The following RBMS3 variants were observed in gnomAD, a reference collection of about 807,000 sequenced individuals.
The protein encoded by RBMS3 is RNA binding motif single stranded interacting protein 3.
In RBMS3, 27 loss-of-function variants were observed where a neutral mutation model predicts 66.8. That is an observed-to-expected ratio of 0.40 (90% confidence interval 0.30 to 0.56). The LOEUF (loss-of-function observed/expected upper bound fraction) is 0.56, where lower values mean the gene tolerates loss of function less well. RBMS3 is among the 20% of genes least tolerant of loss of function. RBMS3 has a pLI of 0.40. For synonymous variants in RBMS3, 188 were observed against 183.0 expected (o/e 1.03, Z -0.22); for missense variants, 513 against 549.5 (o/e 0.93, Z 0.66).
At position 29,928,180 on chromosome 3, in the gene RBMS3, T is replaced by TTATGTATA. The variant is rs59335121; in HGVS notation, c.940-7903_940-7902insGTATATAT. Among the ~76,000 whole-genome samples the TTATGTATA allele has an allele frequency of 2.3e-3, 235 of 102,520 alleles. 4 individuals are homozygous for TTATGTATA. In the East Asian group the frequency reaches 0.028, roughly 12 times the overall value. 67.3% of individuals were successfully genotyped at this position (102,520 alleles called of 152,430 possible). A position where few individuals can be genotyped will look rare whatever the true frequency, so the allele number is the denominator to read the frequency against. ...AAACTGGTCTGCTCCTCTTCAAATT[T>TTATGTATA]TATATATATATATATATATATATAT... On this transcript the variant is annotated intron_variant, in intron 10 of 14. Coordinates refer to ENST00000383767, the MANE Select transcript of RBMS3 (RefSeq NM_001003793.3).
intron 1 of RBMS3, among the ~76,000 whole-genome samples, chr3:29,414,158 T>C (rs1396452993): frequency 6.6e-6 from 1 of 152,242 alleles, no homozygotes; most frequent in Non-Finnish European, 1.5e-5. Context: ...TTTCTGTGTT[T>C]ATTCTTATGC....
At chr3:29,417,808 G>T (rs912062297) in intron 1 of RBMS3, among the ~76,000 whole-genome samples, 2 of 152,028 alleles carry the variant, frequency 1.3e-5, no homozygotes, top group African/African-American at 2.4e-5. Flanking sequence ...ACACAATCCG[G>T]TGAAATAAAG....
rs116022295 is a variant in RBMS3, at chr3:29,524,982, A to G, written c.307+36483A>G. On this transcript the variant is annotated intron_variant, in intron 3 of 14. Transcript: ENST00000383767. ...TAAGGCAGGATTGCTTGAGCCCAGG[A>G]GTTCTAGGGTGCGGTGAGCTATGAT... Among the ~76,000 whole-genome samples, 883 of 152,152 alleles carry G rather than the reference A, an allele frequency of 5.8e-3. 10 individuals carry two copies. Among genetic ancestry groups the G allele is most frequent in the African/African-American group, 0.02 (847 of 41,520 alleles).
intron 2 of RBMS3, among the ~76,000 whole-genome samples, chr3:29,438,026 G>GTT (rs34468806): frequency 0.28 from 31,068 of 112,452 alleles, 3,766 homozygotes; most frequent in South Asian, 0.43. Context: ...AACCTTGCTT[G>GTT]TTTCTCTCTC....
At chr3:29,533,018 T>A (rs2045424535) in intron 3 of RBMS3, among the ~76,000 whole-genome samples, 1 of 152,200 alleles carries the variant, frequency 6.6e-6, no homozygotes, top group African/African-American at 2.4e-5. Flanking sequence ...ATTACTTTTC[T>A]CTCACATGCC....
chr3:29,420,145 G>A (rs188765564), intron 1 of RBMS3, among the ~76,000 whole-genome samples: 158 of 152,254 alleles, frequency 1.0e-3, no homozygotes, highest in Middle Eastern at 3.4e-3. Flanking sequence ...GAATAAGGAC[G>A]TTCTCTTTGA....
intron 6 of RBMS3, among the ~76,000 whole-genome samples, chr3:29,861,036 T>A (rs2059201460): frequency 6.6e-6 from 1 of 152,180 alleles, no homozygotes; most frequent in Non-Finnish European, 1.5e-5. Flanking sequence ...GCTAATTTTT[T>A]GTATTTTTAG....
chr3:29,918,129 T>A (rs975053596), intron 10 of RBMS3, among the ~76,000 whole-genome samples: 17 of 152,146 alleles, frequency 1.1e-4, no homozygotes, highest in African/African-American at 3.9e-4. Flanking sequence ...TAACACCAAC[T>A]CTATTTCATT....
intron 1 of RBMS3, among the ~76,000 whole-genome samples, chr3:29,313,358 G>A (rs536643246): frequency 2.0e-5 from 3 of 151,786 alleles, no homozygotes; most frequent in Admixed American, 6.6e-5. Context: ...TCACTGCCTC[G>A]AGTAGAGAAA....
At chr3:29,701,610 G>C (rs763652122) in intron 4 of RBMS3, among the ~76,000 whole-genome samples, 13 of 152,160 alleles carry the variant, frequency 8.5e-5, no homozygotes, top group Middle Eastern at 3.4e-3. Flanking sequence ...GGCTGCGCGC[G>C]TCGTTCACGG....
chr3:29,961,439 T>C (rs1393642491), intron 12 of RBMS3, among the ~76,000 whole-genome samples: 2 of 152,128 alleles, frequency 1.3e-5, no homozygotes, highest in South Asian at 2.1e-4. Context: ...AGTTCCAGAG[T>C]TGCTTCCACA....
intron 14 of RBMS3, among the ~76,000 whole-genome samples, chr3:29,996,406 C>T (rs1227484983): frequency 3.3e-5 from 5 of 149,358 alleles, no homozygotes; most frequent in African/African-American, 1.2e-4. Flanking sequence ...CTCAGCTCTG[C>T]ACCAAGCGGA....
chr3:29,874,740 C>CT (rs3836347), intron 7 of RBMS3, among the ~76,000 whole-genome samples: 8,681 of 151,720 alleles, frequency 0.057, 391 homozygotes, highest in East Asian at 0.12. Context: ...TAAAATAAAC[C>CT]TTTTTTTTGG....
intron 3 of RBMS3, among the ~76,000 whole-genome samples, chr3:29,504,511 A>G (rs2044105435): frequency 6.6e-6 from 1 of 152,122 alleles, no homozygotes; most frequent in African/African-American, 2.4e-5. Flanking sequence ...CTGAAGGTAG[A>G]TTCCATTTCT....
chr3:29,953,827 T>C (rs751558537), intron 12 of RBMS3, among the ~76,000 whole-genome samples: 8 of 151,876 alleles, frequency 5.3e-5, no homozygotes, highest in Middle Eastern at 6.8e-3. Flanking sequence ...CAAACACGAG[T>C]CTTCCCATTT....
At chr3:29,835,446 G>A (rs2058480431) in intron 6 of RBMS3, among the ~76,000 whole-genome samples, 1 of 151,818 alleles carries the variant, frequency 6.6e-6, no homozygotes, top group Non-Finnish European at 1.5e-5. Flanking sequence ...CTGACCCACA[G>A]TAGTATAAAA....
At chr3:29,961,368 TC>T (rs1334236392) in intron 12 of RBMS3, among the ~76,000 whole-genome samples, 8 of 152,166 alleles carry the variant, frequency 5.3e-5, no homozygotes, top group Admixed American at 5.2e-4. Context: ...TTTCAAAGTT[TC>T]CCACATCTTC....
chr3:29,598,549 T>C (rs2048039976), intron 4 of RBMS3, among the ~76,000 whole-genome samples: 12 of 152,040 alleles, frequency 7.9e-5, no homozygotes, highest in Admixed American at 7.9e-4. Context: ...CTCTCTCCCT[T>C]ACTTAACTTC....
intron 1 of RBMS3, among the ~76,000 whole-genome samples, chr3:29,298,010 C>A (rs753358768): frequency 3.4e-4 from 52 of 151,854 alleles, no homozygotes; most frequent in Non-Finnish European, 5.9e-4. Context: ...AACTTGCTCA[C>A]ATTTAGCATT....
Sources: gnomAD v4.1 joint callset for allele counts (sites outside exome capture counted in the v4.1 genomes callset) on GRCh38, gnomAD v4.1.1 for gene constraint, MANE v1.5 for transcripts, NCBI Gene and HGNC (gene_info 2026-07-23, HGNC 2026-07-21) for gene names.